NLGN4X: variants seen among roughly 807,000 people sequenced by gnomAD.
NLGN4X encodes the protein neuroligin 4 X-linked.
NLGN4X carries 3 observed loss-of-function variants against 40.3 expected under a neutral mutation model. The ratio of observed to expected loss-of-function variants is 0.07; its 90% confidence interval spans 0.03 to 0.19. NLGN4X has a LOEUF of 0.19. NLGN4X is among the 10% of genes least tolerant of loss of function. NLGN4X has a pLI of 1.00. For synonymous variants in NLGN4X, 270 were observed against 306.8 expected (o/e 0.88, Z 1.25); for missense variants, 382 against 708.3 (o/e 0.54, Z 5.23).
chrX:6,219,190 A>G (rs1375591836), intron 1 of NLGN4X, among the ~76,000 whole-genome samples: 2 of 101,935 alleles, frequency 2.0e-5, no homozygotes, highest in African/African-American at 3.6e-5. Context: ...CACACAAACC[A>G]TATATATAGT....
At chrX:5,961,594 T>C (rs1190044923) in intron 3 of NLGN4X, among the ~76,000 whole-genome samples, 1 of 111,878 alleles carries the variant, frequency 8.9e-6, no homozygotes, top group East Asian at 2.8e-4. Context: ...TTAGGTTCCA[T>C]GACATTTTCT....
At chrX:6,135,017 C>T (rs756890790) in intron 2 of NLGN4X, among the ~76,000 whole-genome samples, 4 of 112,751 alleles carry the variant, frequency 3.5e-5, no homozygotes, top group Non-Finnish European at 5.6e-5. Context: ...CCCAAATTGG[C>T]TTATCCTTCA....
intron 1 of NLGN4X, among the ~76,000 whole-genome samples, chrX:6,198,537 C>T (rs188550042): frequency 7.2e-5 from 8 of 111,826 alleles, no homozygotes; most frequent in Admixed American, 4.7e-4. Flanking sequence ...TAAAGATGAA[C>T]GCCACCTGAT....
chrX:5,902,776 G>A (rs1338436520), intron 5 of NLGN4X, among the ~76,000 whole-genome samples: 2 of 112,524 alleles, frequency 1.8e-5, no homozygotes, highest in Non-Finnish European at 3.8e-5. Flanking sequence ...CCTGCAGGTA[G>A]GAACTCTGGA....
chrX:5,960,635 C>A (rs1466100636), intron 3 of NLGN4X, among the ~76,000 whole-genome samples: 1 of 111,559 alleles, frequency 9.0e-6, no homozygotes, highest in Non-Finnish European at 1.9e-5. Context: ...TAATTAACTA[C>A]CTTTTCTAAT....
At chrX:5,961,479 G>C (rs756183159) in intron 3 of NLGN4X, among the ~76,000 whole-genome samples, 3 of 111,683 alleles carry the variant, frequency 2.7e-5, no homozygotes. Flanking sequence ...TTTGAAATTC[G>C]CATATACACA....
intron 2 of NLGN4X, among the ~76,000 whole-genome samples, chrX:6,076,066 C>T (rs1259607694): frequency 9.0e-6 from 1 of 111,478 alleles, no homozygotes; most frequent in Non-Finnish European, 1.9e-5. Context: ...CTAAATCACG[C>T]CCCCCTCTTC....
chrX:6,196,553 A>G (rs868311160), intron 1 of NLGN4X, among the ~76,000 whole-genome samples: 15 of 60,633 alleles, frequency 2.5e-4, no homozygotes, highest in Non-Finnish European at 3.7e-4. Context: ...CTCTGTCTCA[A>G]AAAAAAAAAA....
At chrX:6,144,975 A>C (rs1331758379) in intron 2 of NLGN4X, among the ~76,000 whole-genome samples, 2 of 111,165 alleles carry the variant, frequency 1.8e-5, no homozygotes, top group African/African-American at 6.5e-5. Context: ...TTTTCTGCCT[A>C]CAAGTACCTA....
chrX:6,168,368 T>C lies in NLGN4X; in HGVS notation c.-305-16597A>G, dbSNP rs957567841. The stretch of plus-strand genomic sequence containing the variant: ...CGCAACTTCAAATACTAAAGCGTCA[T>C]AGACTGATTCAGTCAAAAAGGTTTT... On this transcript the variant is annotated intron_variant, in intron 1 of 5. Coordinates refer to ENST00000381095, the MANE Select transcript of NLGN4X (RefSeq NM_181332.3). 2.7e-5 allele frequency among the ~76,000 whole-genome samples: 3 copies of C among 112,795 alleles called. No individual in the cohort carries two copies. In the East Asian group the frequency reaches 8.3e-4, roughly 31 times the overall value.
intron 1 of NLGN4X, among the ~76,000 whole-genome samples, chrX:6,185,183 A>G (rs752942386): frequency 4.5e-5 from 5 of 112,347 alleles, no homozygotes; most frequent in Non-Finnish European, 9.4e-5. Context: ...ACAAAGGTTC[A>G]TGGACAGGAA....
intron 1 of NLGN4X, among the ~76,000 whole-genome samples, chrX:6,201,214 C>G (rs1053149905): frequency 7.2e-5 from 8 of 111,752 alleles, no homozygotes; most frequent in Non-Finnish European, 1.3e-4. Flanking sequence ...GCATTTTAGC[C>G]CTCAGTCATG....
chrX:6,069,567 G>C (rs1391313499), intron 2 of NLGN4X, among the ~76,000 whole-genome samples: 1 of 112,121 alleles, frequency 8.9e-6, no homozygotes, highest in Admixed American at 9.5e-5. Flanking sequence ...CATAAGGTAA[G>C]ATCTAATAGC....
At chrX:6,076,816 A>G (rs2038210246) in intron 2 of NLGN4X, among the ~76,000 whole-genome samples, 1 of 112,490 alleles carries the variant, frequency 8.9e-6, no homozygotes, top group African/African-American at 3.2e-5. Context: ...TTACTATTAC[A>G]TAAACACAGG....
At chrX:5,939,850 G>A (rs143053263) in intron 3 of NLGN4X, among the ~76,000 whole-genome samples, 6 of 111,661 alleles carry the variant, frequency 5.4e-5, no homozygotes, top group East Asian at 2.8e-4. Flanking sequence ...TGGTGTATCC[G>A]CAAATTGCCC....
chrX:5,964,843 G>A (rs933380914), intron 3 of NLGN4X, among the ~76,000 whole-genome samples: 20 of 112,025 alleles, frequency 1.8e-4, no homozygotes, highest in African/African-American at 6.2e-4. Context: ...AATGTGTATC[G>A]TTTCTAGTCA....
At chrX:6,216,940 C>T (rs973746459) in intron 1 of NLGN4X, among the ~76,000 whole-genome samples, 4 of 111,710 alleles carry the variant, frequency 3.6e-5, no homozygotes, top group Non-Finnish European at 7.5e-5. Context: ...CAGACATGCA[C>T]CACCACACCT....
At chrX:6,139,942 T>C (rs753178948) in intron 2 of NLGN4X, among the ~76,000 whole-genome samples, 88 of 111,722 alleles carry the variant, frequency 7.9e-4, no homozygotes, top group Non-Finnish European at 1.1e-3. Context: ...AGATTGGAAT[T>C]AGGAGATCAA....
At chrX:5,935,402 A>G (rs1362826041) in intron 3 of NLGN4X, among the ~76,000 whole-genome samples, 1 of 112,335 alleles carries the variant, frequency 8.9e-6, no homozygotes, top group African/African-American at 3.2e-5. Flanking sequence ...CCTTTTGTCT[A>G]AAGAGAGAAC....
Sources: gnomAD v4.1 joint callset for allele counts (sites outside exome capture counted in the v4.1 genomes callset) on GRCh38, gnomAD v4.1.1 for gene constraint, MANE v1.5 for transcripts, NCBI Gene and HGNC (gene_info 2026-07-23, HGNC 2026-07-21) for gene names.